RALGAPA1: variants seen among roughly 807,000 people sequenced by gnomAD.
RALGAPA1 encodes ral GTPase-activating protein subunit alpha-1.
In RALGAPA1, 52 loss-of-function variants were observed where a neutral mutation model predicts 269.6. The observed-to-expected ratio is 0.19, with a 90% CI of 0.15 to 0.24. RALGAPA1 has a LOEUF of 0.24. Ranked by LOEUF, RALGAPA1 falls within the 10% of genes least tolerant of loss-of-function variation. The pLI is 1.00. For missense variants in RALGAPA1, 1,917 were observed against 3,013.9 expected, an observed-to-expected ratio of 0.64 and a Z score of 8.52; for synonymous variants, 817 against 1,008.3, an observed-to-expected ratio of 0.81 and a Z score of 3.60.
At chr14:35,548,273 C>G (rs1208966362) in intron 41 of RALGAPA1, among the ~76,000 whole-genome samples, 1 of 152,030 alleles carries the variant, frequency 6.6e-6, no homozygotes, top group East Asian at 1.9e-4. Context: ...TAATTTCAAC[C>G]AAGGGATTCT....
chr14:35,611,505 G>T (rs376258594), intron 35 of RALGAPA1, among the ~76,000 whole-genome samples: 3 of 108,088 alleles, frequency 2.8e-5, no homozygotes, highest in Non-Finnish European at 6.3e-5. Flanking sequence ...TCTCAAAAAA[G>T]AAAAAAAAAA....
At chr14:35,622,119 G>A (rs1349323831) in intron 35 of RALGAPA1, among the ~76,000 whole-genome samples, 4 of 152,160 alleles carry the variant, frequency 2.6e-5, no homozygotes, top group Non-Finnish European at 5.9e-5. Context: ...CAACCCAAAT[G>A]TCCATCAATG....
At chr14:35,550,958 A>G (rs1214233072) in intron 39 of RALGAPA1, among the ~76,000 whole-genome samples, 1 of 152,190 alleles carries the variant, frequency 6.6e-6, no homozygotes, top group East Asian at 1.9e-4. Flanking sequence ...ATGGTTATAA[A>G]TAGAAGAGGA....
chr14:35,779,734 G>A (rs533276170), intron 1 of RALGAPA1, among the ~76,000 whole-genome samples: 5 of 152,108 alleles, frequency 3.3e-5, no homozygotes, highest in East Asian at 1.9e-4. Flanking sequence ...AAGATTTTGC[G>A]ACATATTAGG....
At chr14:35,544,586 G>A (rs2054289530) in intron 41 of RALGAPA1, among the ~76,000 whole-genome samples, 1 of 152,166 alleles carries the variant, frequency 6.6e-6, no homozygotes, top group African/African-American at 2.4e-5. Flanking sequence ...TGAACCAGCA[G>A]TTATCACAAA....
At chr14:35,724,959 CAACAA>C (rs534086524) in intron 14 of RALGAPA1, 60 bp downstream of exon 14, 45 of 1,268,678 alleles carry the variant, frequency 3.5e-5, no homozygotes, top group Admixed American at 6.0e-5. Context: ...AACAAACAAA[CAACAA>C]AACAAAACAA....
At chr14:35,790,462 C>A (rs143929376) in intron 1 of RALGAPA1, among the ~76,000 whole-genome samples, 1 of 151,248 alleles carries the variant, frequency 6.6e-6, no homozygotes, top group Non-Finnish European at 1.5e-5. Context: ...CCAAGGCGGG[C>A]GGATCACTTG....
Position 35,605,619 on chromosome 14 carries a change from T to C in RALGAPA1, c.7020A>G (p.Ala2340=), listed in dbSNP as rs1193903088. 1.2e-6 allele frequency: 2 copies of C among 1,608,754 alleles called. No homozygotes were observed. The highest frequency in any genetic ancestry group is 1.3e-5 in the African/African-American group (1 of 74,744). ...CAAGACCAGCTACAAAATCTTCATA[T>C]GCTTGACTTCCTCCTGTATTGGTGA... ...SILTNTGGSQ[A]YEDFVAGLGW... Residue 2340 remains alanine, a synonymous_variant, in exon 36 of 42, where the codon GCA becomes GCG. Coordinates refer to ENST00000680220, the MANE Select transcript of RALGAPA1 (RefSeq NM_001346249.2).
chr14:35,775,486 T>C (rs2074952289), intron 2 of RALGAPA1, 149 bp downstream of exon 2: 2 of 905,664 alleles, frequency 2.2e-6, no homozygotes, highest in Admixed American at 7.6e-5. Context: ...AAAATACAGG[T>C]CACTAGACCT....
Position 35,689,786 on chromosome 14 carries a change from C to T in RALGAPA1, c.2625G>A (p.Gln875=), listed in dbSNP as rs1485674764. 3.2e-6 allele frequency: 5 copies of T among 1,544,266 alleles called. No individual in the cohort carries two copies. The East Asian group carries it at 1.2e-4, about 38-fold the overall frequency. Reference sequence around the variant, plus strand: ...TTATTGAAGAAGCCTCTGTGGAACTCTGCAAGCTTGGTGCATGACGGGATG... The same window carrying T: ...TTATTGAAGAAGCCTCTGTGGAACTTTGCAAGCTTGGTGCATGACGGGATG... The part of the protein sequence containing the change: ...DSSSRHAPSL[Q]SSTEASSITR... The change falls in exon 18 of 42, where the codon CAG becomes CAA. Residue 875 remains glutamine (Q), a synonymous_variant. Transcript: ENST00000680220.
chr14:35,665,159 G>T (rs1330008746), intron 26 of RALGAPA1, among the ~76,000 whole-genome samples: 1 of 152,074 alleles, frequency 6.6e-6, no homozygotes. Context: ...TATTACCAAG[G>T]ATGAATAAAG....
chr14:35,746,377 G>C (rs1399607680), intron 10 of RALGAPA1, among the ~76,000 whole-genome samples: 1 of 152,082 alleles, frequency 6.6e-6, no homozygotes, highest in South Asian at 2.1e-4. Context: ...CTTGAAATTT[G>C]CTAGAAGATT....
intron 28 of RALGAPA1, among the ~76,000 whole-genome samples, chr14:35,658,793 A>AT (rs985298190): frequency 1.3e-5 from 2 of 151,800 alleles, no homozygotes; most frequent in African/African-American, 2.4e-5. Context: ...ACAAAAATTC[A>AT]TTGGGTACCT....
intron 1 of RALGAPA1, among the ~76,000 whole-genome samples, chr14:35,785,525 A>T (rs1209616133): frequency 6.6e-6 from 1 of 152,258 alleles, no homozygotes; most frequent in Non-Finnish European, 1.5e-5. Flanking sequence ...TTGAAACAAC[A>T]GAGGATAAAG....
intron 6 of RALGAPA1, among the ~76,000 whole-genome samples, chr14:35,759,911 CAAA>C (rs34611097): frequency 1.3e-4 from 12 of 93,430 alleles, no homozygotes; most frequent in Admixed American, 2.3e-4. Flanking sequence ...GATTCTATCT[CAAA>C]AAAAAAAAAA....
Position 35,670,865 on chromosome 14 carries a change from G to A in RALGAPA1, c.5202+524C>T, listed in dbSNP as rs1458558991. ...TTGGACCTGTGAGGCGGAGGCTGCA[G>A]TGAGCCAAGATCGCACCACTGCACT... is the stretch of plus-strand genomic sequence containing the variant. On this transcript the variant is annotated intron_variant, in intron 26 of 41. Transcript: ENST00000680220. 2.0e-5 allele frequency among the ~76,000 whole-genome samples: 3 copies of A among 151,768 alleles called. No individual in the cohort carries two copies. The East Asian group carries it at 5.8e-4, about 29-fold the overall frequency.
intron 35 of RALGAPA1, among the ~76,000 whole-genome samples, chr14:35,612,143 A>T (rs953560312): frequency 2.0e-5 from 3 of 152,102 alleles, no homozygotes; most frequent in African/African-American, 7.2e-5. Flanking sequence ...GGAGGCTGTT[A>T]GGAAGACTGC....
intron 36 of RALGAPA1, among the ~76,000 whole-genome samples, chr14:35,601,949 A>T (rs957432883): frequency 6.6e-6 from 1 of 152,234 alleles, no homozygotes; most frequent in South Asian, 2.1e-4. Flanking sequence ...GAAACCCCAT[A>T]TCTTTTAGTT....
At chr14:35,683,400 A>G (rs1438390972) in intron 21 of RALGAPA1, 1 of 153,248 alleles carries the variant, frequency 6.5e-6, no homozygotes, top group Non-Finnish European at 1.5e-5. Flanking sequence ...TTTGCTAAAG[A>G]AATCATAAAA....
Sources: gnomAD v4.1 joint callset for allele counts (sites outside exome capture counted in the v4.1 genomes callset) on GRCh38, gnomAD v4.1.1 for gene constraint, MANE v1.5 for transcripts, NCBI Gene and HGNC (gene_info 2026-07-23, HGNC 2026-07-21) for gene names.